WDFY4: variants seen among roughly 807,000 people sequenced by gnomAD.
WDFY4 encodes WDFY family member 4, also known as WD repeat- and FYVE domain-containing protein 4.
In WDFY4, 169 loss-of-function variants were observed where a neutral mutation model predicts 351.9. The observed-to-expected ratio is 0.48, with a 90% CI of 0.42 to 0.55. WDFY4 has a LOEUF of 0.55. WDFY4 is among the 20% of genes least tolerant of loss of function. The probability of loss-of-function intolerance (pLI) is 0.00; values close to 1 mark genes in which losing one functional copy is unlikely to be tolerated. For missense variants in WDFY4, 3,803 were observed against 3,935.6 expected, an observed-to-expected ratio of 0.97 and a Z score of 0.90; for synonymous variants, 1,622 against 1,574.6, an observed-to-expected ratio of 1.03 and a Z score of -0.71.
chr10:48,952,660 G>A (rs191292223), intron 51 of WDFY4, among the ~76,000 whole-genome samples: 191 of 152,208 alleles, frequency 1.3e-3, no homozygotes, highest in Admixed American at 3.6e-3. Flanking sequence ...TGTCCCCTAC[G>A]TGCCCACCCT....
intron 39 of WDFY4, among the ~76,000 whole-genome samples, chr10:48,857,421 G>A (rs1395227305): frequency 6.6e-6 from 1 of 151,404 alleles, no homozygotes; most frequent in Non-Finnish European, 1.5e-5. Flanking sequence ...GTCTTGATTT[G>A]TGCCAAGGCA....
chr10:48,869,563 G>A (rs561847263), intron 40 of WDFY4, among the ~76,000 whole-genome samples: 1 of 150,314 alleles, frequency 6.7e-6, no homozygotes, highest in Non-Finnish European at 1.5e-5. Flanking sequence ...TTTTGATCCA[G>A]AAGTTCTGAC....
In WDFY4 at chr10:48,755,315, T is replaced by C. The variant is rs1319998516; in HGVS notation, c.2460-5032T>C. On this transcript the variant is annotated intron_variant, in intron 12 of 61. Coordinates refer to ENST00000325239, the MANE Select transcript of WDFY4 (RefSeq NM_001394531.1). ...GATGCAAATGTTTCCTCCCAGCCTA[T>C]AGCTTATCTATTCATCTTTAAATAG... is the stretch of plus-strand genomic sequence containing the variant. Among the ~76,000 whole-genome samples, 4 of 152,184 alleles carry C rather than the reference T, an allele frequency of 2.6e-5. No homozygotes were observed. In the East Asian group the frequency reaches 7.7e-4, roughly 29 times the overall value.
chr10:48,929,629 T>C (rs1313031260), intron 47 of WDFY4, among the ~76,000 whole-genome samples: 3 of 152,238 alleles, frequency 2.0e-5, no homozygotes, highest in Admixed American at 6.5e-5. Context: ...GTCTATACAC[T>C]AACGATTGCC....
rs767478933 is a variant in WDFY4, at chr10:48,709,935, G to A, written c.203G>A (p.Ser68Asn). ...AAGAGCCCCATTGAGCGTCAGAAGA[G>A]CCTGTTGAGTCTTCTCCCCCTATTC... ...THKSPIERQK[S>N]LLSLLPLFLK... Residue 68 changes from serine to asparagine, a missense_variant, in exon 2 of 62, where the codon AGC becomes AAC. By Grantham distance (46) the Ser-to-Asn change is conservative (BLOSUM62 1). This residue lies in a region of WDFY4 where 488 missense variants were observed against 456.8 expected (regional missense o/e 1.07). Transcript: ENST00000325239. 15 of 1,552,046 alleles carry A rather than the reference G, an allele frequency of 9.7e-6. No homozygotes were observed. The African/African-American group carries it at 1.1e-4, about 11-fold the overall frequency.
chr10:48,767,108 T>C (rs1217148193), intron 13 of WDFY4, among the ~76,000 whole-genome samples: 1 of 152,214 alleles, frequency 6.6e-6, no homozygotes, highest in African/African-American at 2.4e-5. Context: ...AGTATCAAAA[T>C]CATGAGCCTT....
At chr10:48,955,967 T>C (rs1258938305) in intron 51 of WDFY4, among the ~76,000 whole-genome samples, 1 of 152,200 alleles carries the variant, frequency 6.6e-6, no homozygotes, top group East Asian at 1.9e-4. Context: ...AAGTGAACTA[T>C]TGAATCCCAG....
chr10:48,918,890 T>C (rs139277318), intron 47 of WDFY4, among the ~76,000 whole-genome samples: 102 of 152,336 alleles, frequency 6.7e-4, no homozygotes, highest in African/African-American at 2.1e-3. Flanking sequence ...TCTCTTGACA[T>C]TGCCAAATGT....
chr10:48,862,447 T>C (rs1268953044), intron 39 of WDFY4, among the ~76,000 whole-genome samples: 1 of 152,178 alleles, frequency 6.6e-6, no homozygotes, highest in African/African-American at 2.4e-5. Flanking sequence ...ACAAAGCCTA[T>C]TGTGAACTGC....
At chr10:48,955,349 A>C (rs1322014861) in intron 51 of WDFY4, among the ~76,000 whole-genome samples, 1 of 152,178 alleles carries the variant, frequency 6.6e-6, no homozygotes, top group Non-Finnish European at 1.5e-5. Flanking sequence ...GTGGGGAATG[A>C]CCCACAGATC....
chr10:48,926,848 C>A (rs1004055102), intron 47 of WDFY4, among the ~76,000 whole-genome samples: 6 of 152,208 alleles, frequency 3.9e-5, no homozygotes, highest in African/African-American at 1.4e-4. Flanking sequence ...AGGCATGTGT[C>A]CCCAAGTAGG....
intron 47 of WDFY4, chr10:48,913,409 G>A (rs41302987): frequency 0.055 from 88,522 of 1,611,790 alleles, 2,662 homozygotes; most frequent in Non-Finnish European, 0.063. Context: ...CTTCCCAGGA[G>A]TCCTTGGCCA....
At chr10:48,873,782 G>T (rs2069881150) in intron 41 of WDFY4, 85 bp downstream of exon 41, 1 of 1,412,960 alleles carries the variant, frequency 7.1e-7, no homozygotes. Context: ...ATCACATGTT[G>T]TTTATATCAG....
At chr10:48,896,848 C>A (rs1462853199) in intron 44 of WDFY4, among the ~76,000 whole-genome samples, 1 of 152,154 alleles carries the variant, frequency 6.6e-6, no homozygotes, top group Non-Finnish European at 1.5e-5. Flanking sequence ...CTTGTCCAGC[C>A]CCTCAGCCCT....
At chr10:48,892,723 G>A (rs1376462271) in intron 44 of WDFY4, among the ~76,000 whole-genome samples, 2 of 152,204 alleles carry the variant, frequency 1.3e-5, no homozygotes, top group African/African-American at 2.4e-5. Context: ...AGACTGCTAT[G>A]GAATTGAGTC....
In WDFY4 at chr10:48,790,795, C is replaced by T. The variant is rs1284537458; in HGVS notation, c.4135C>T (p.Leu1379=). The T allele has an allele frequency of 6.4e-7, 1 of 1,551,790 alleles. No homozygotes were observed. The highest frequency in any genetic ancestry group is 2.4e-5 in the East Asian group (1 of 40,928). ...CTTCATTGGCGGGCCTGCCATCCTC[C>T]TGGGCCTCATCTCCTTAGCGACAGA... is the stretch of plus-strand genomic sequence containing the variant. The part of the protein sequence containing the change: ...LDFIGGPAIL[L]GLISLATDDH... The change falls in exon 23 of 62, where the codon CTG becomes TTG. Residue 1379 remains leucine, a synonymous_variant. Coordinates refer to ENST00000325239, the MANE Select transcript of WDFY4 (RefSeq NM_001394531.1).
intron 47 of WDFY4, chr10:48,910,935 T>G: frequency 1.0e-6 from 1 of 984,008 alleles, no homozygotes; most frequent in East Asian, 1.1e-4. Context: ...TGCTGAACCT[T>G]TTGAATACCT....
At chr10:48,975,162 C>CA (rs1842512982) in intron 58 of WDFY4, 121 bp downstream of exon 58, 1 of 1,325,076 alleles carries the variant, frequency 7.5e-7, no homozygotes, top group African/African-American at 1.5e-5. Context: ...AGAGGGCCCC[C>CA]AATTGTGTGG....
In WDFY4 at chr10:48,806,036, C is replaced by G. The variant is rs1047959009; in HGVS notation, c.4679C>G (p.Pro1560Arg). ...IGLFVVYTLK[P>R]SSVNERQICM... ...CTGTTTGTTGTGTACACCCTCAAGC[C>G]TTCGTCGGTGAATGAGAGGCAGATC... The change falls in exon 27 of 62, where the codon CCT (proline) becomes CGT (arginine). Residue 1560 changes from proline (P) to arginine (R), a missense_variant. By Grantham distance (103) the Pro-to-Arg change is moderately radical. Coordinates refer to ENST00000325239, the MANE Select transcript of WDFY4 (RefSeq NM_001394531.1). 1.3e-6 allele frequency: 2 copies of G among 1,551,570 alleles called. No homozygotes were observed. The highest frequency in any genetic ancestry group is 1.4e-5 in the African/African-American group (1 of 73,026).
Sources: gnomAD v4.1 joint callset for allele counts (sites outside exome capture counted in the v4.1 genomes callset) on GRCh38, gnomAD v4.1.1 for gene constraint, gnomAD v4.1.1 regional missense constraint, MANE v1.5 for transcripts, NCBI Gene and HGNC (gene_info 2026-07-23, HGNC 2026-07-21) for gene names.